TMEM135: variants seen among roughly 807,000 people sequenced by gnomAD.
TMEM135 encodes the protein transmembrane protein 135.
Under a neutral mutation model 60.3 loss-of-function variants are expected in TMEM135, and 30 were observed. The observed-to-expected ratio is 0.50, with a 90% CI of 0.37 to 0.68. TMEM135 has a LOEUF of 0.68. Among genes scored for constraint, TMEM135 ranks in the 30% least tolerant of loss-of-function variants. The probability of loss-of-function intolerance (pLI) is 0.00; values close to 1 mark genes in which losing one functional copy is unlikely to be tolerated. For missense variants in TMEM135, 468 were observed against 548.8 expected (o/e 0.85, Z 1.47); for synonymous variants, 190 against 186.7 (o/e 1.02, Z -0.14).
chr11:87,250,916 G>A (rs1941403128), intron 6 of TMEM135, among the ~76,000 whole-genome samples: 1 of 152,178 alleles, frequency 6.6e-6, no homozygotes, highest in African/African-American at 2.4e-5. Context: ...TGCTCTTGCA[G>A]TTATCCAGCA....
chr11:87,183,486 A>G (rs1421636345), intron 5 of TMEM135, among the ~76,000 whole-genome samples: 1 of 152,006 alleles, frequency 6.6e-6, no homozygotes, highest in Non-Finnish European at 1.5e-5. Flanking sequence ...ACTCAATAGT[A>G]AAGTTAAAGG....
Position 87,327,147 on chromosome 11 carries a change from G to A in TMEM135, c.*5814G>A, listed in dbSNP as rs1250780303. 5 of 453,824 alleles carry A rather than the reference G, an allele frequency of 1.1e-5. No homozygotes were observed. In the Admixed American group the frequency reaches 1.2e-4, roughly 11 times the overall value. The allele number at this position is 453,824 out of a possible 1,614,324, so 28.1% of individuals were successfully genotyped here. A position where few individuals can be genotyped will look rare whatever the true frequency, so the allele number is the denominator to read the frequency against. On this transcript the variant is annotated 3_prime_UTR_variant, in exon 15 of 15. Coordinates refer to ENST00000305494, the MANE Select transcript of TMEM135 (RefSeq NM_022918.4). ...ATACTTTTCCAACCAGCCTTTACTCGGAGGTGTTCATGTGACCCTGTTTTG... is the reference window on the plus strand; with the variant it reads ...ATACTTTTCCAACCAGCCTTTACTCAGAGGTGTTCATGTGACCCTGTTTTG...
At chr11:87,233,833 T>C (rs953811827) in intron 5 of TMEM135, among the ~76,000 whole-genome samples, 9 of 152,106 alleles carry the variant, frequency 5.9e-5, no homozygotes, top group African/African-American at 2.2e-4. Context: ...CTGAGTTTCC[T>C]GATGAAAAAA....
rs1265677528 is a variant in TMEM135 at position 87,322,706 on chromosome 11, A to T, written c.*1373A>T. Reference sequence around the variant, plus strand: ...ATACTTTAAAAATGCTTAATCCCTCATATTCAATTTCATCAAGCCTTGTAT... The same window carrying T: ...ATACTTTAAAAATGCTTAATCCCTCTTATTCAATTTCATCAAGCCTTGTAT... On this transcript the variant is annotated 3_prime_UTR_variant, in exon 15 of 15. Transcript: ENST00000305494. 1 of 454,072 alleles carries T rather than the reference A, an allele frequency of 2.2e-6. No homozygotes were observed. The highest frequency in any genetic ancestry group is 4.4e-6 in the Non-Finnish European group (1 of 226,732). The allele number at this position is 454,072 out of a possible 1,614,324, so 28.1% of individuals were successfully genotyped here.
At chr11:87,153,324 T>A (rs2135262361) in intron 4 of TMEM135, among the ~76,000 whole-genome samples, 1 of 152,328 alleles carries the variant, frequency 6.6e-6, no homozygotes, top group Middle Eastern at 3.4e-3. Flanking sequence ...CCAAGTATGA[T>A]CCTACCTACA....
intron 6 of TMEM135, among the ~76,000 whole-genome samples, chr11:87,246,535 G>A (rs1941275894): frequency 1.3e-5 from 2 of 152,142 alleles, no homozygotes; most frequent in African/African-American, 4.8e-5. Flanking sequence ...ATATTTCTTG[G>A]AGGCTTTGTT....
At chr11:87,223,239 A>G (rs969293913) in intron 5 of TMEM135, among the ~76,000 whole-genome samples, 5 of 146,378 alleles carry the variant, frequency 3.4e-5, no homozygotes, top group Non-Finnish European at 7.4e-5. Flanking sequence ...ATCTCGGCTC[A>G]CTGCAAGCTC....
At chr11:87,287,923 G>T (rs1488739521) in intron 6 of TMEM135, among the ~76,000 whole-genome samples, 5 of 152,030 alleles carry the variant, frequency 3.3e-5, no homozygotes, top group Non-Finnish European at 7.4e-5. Context: ...AATAACTTTT[G>T]CCCTGTTCAA....
intron 6 of TMEM135, among the ~76,000 whole-genome samples, chr11:87,240,034 C>T (rs1941095592): frequency 6.6e-6 from 1 of 152,040 alleles, no homozygotes; most frequent in African/African-American, 2.4e-5. Context: ...CATCCACTTA[C>T]TTCTGGTGTG....
chr11:87,066,806 G>A (rs139843784), intron 1 of TMEM135, among the ~76,000 whole-genome samples: 7,701 of 136,220 alleles, frequency 0.057, 721 homozygotes, highest in African/African-American at 0.2. Flanking sequence ...TTTTGAGACA[G>A]AGTCTCACTC....
intron 4 of TMEM135, among the ~76,000 whole-genome samples, chr11:87,093,287 C>T (rs1178926448): frequency 1.3e-5 from 2 of 152,066 alleles, no homozygotes; most frequent in Non-Finnish European, 2.9e-5. Context: ...GATCACGGCT[C>T]ACTACAGCTT....
At chr11:87,319,977 A>G (rs1369714308) in intron 14 of TMEM135, among the ~76,000 whole-genome samples, 1 of 152,158 alleles carries the variant, frequency 6.6e-6, no homozygotes, top group Non-Finnish European at 1.5e-5. Context: ...TTCGGTCTAC[A>G]ATGAAATAAT....
At chr11:87,218,727 C>T (rs1287951171) in intron 5 of TMEM135, among the ~76,000 whole-genome samples, 17 of 152,054 alleles carry the variant, frequency 1.1e-4, no homozygotes, top group African/African-American at 3.6e-4. Flanking sequence ...TTTAGAAGGC[C>T]GAGGCAGGTG....
intron 9 of TMEM135, among the ~76,000 whole-genome samples, chr11:87,309,101 T>G (rs1942598958): frequency 6.6e-6 from 1 of 152,222 alleles, no homozygotes. Flanking sequence ...AGCAGTTTTC[T>G]GTTAACATTT....
intron 5 of TMEM135, among the ~76,000 whole-genome samples, chr11:87,230,260 A>G (rs1940861896): frequency 6.6e-6 from 1 of 152,076 alleles, no homozygotes; most frequent in Non-Finnish European, 1.5e-5. Flanking sequence ...ATAATGTATT[A>G]ATGTATTTGA....
At chr11:87,159,876 A>G (rs1938820837) in intron 5 of TMEM135, among the ~76,000 whole-genome samples, 1 of 152,124 alleles carries the variant, frequency 6.6e-6, no homozygotes, top group African/African-American at 2.4e-5. Context: ...GTAGGAGTAA[A>G]CTAAAAGGTT....
At chr11:87,270,985 A>G (rs1941852006) in intron 6 of TMEM135, among the ~76,000 whole-genome samples, 1 of 152,074 alleles carries the variant, frequency 6.6e-6, no homozygotes, top group South Asian at 2.1e-4. Flanking sequence ...AAACTTTTTC[A>G]GATTCAGATA....
intron 3 of TMEM135, among the ~76,000 whole-genome samples, chr11:87,088,106 A>G (rs1857135074): frequency 6.6e-6 from 1 of 152,034 alleles, no homozygotes; most frequent in Non-Finnish European, 1.5e-5. Flanking sequence ...AATTGGGTAA[A>G]TTCCTCTCTT....
chr11:87,160,103 T>C (rs1938829153), intron 5 of TMEM135, among the ~76,000 whole-genome samples: 1 of 152,116 alleles, frequency 6.6e-6, no homozygotes, highest in Non-Finnish European at 1.5e-5. Flanking sequence ...AGAAAAAAAG[T>C]TGGTATATCC....
Sources: gnomAD v4.1 joint callset for allele counts (sites outside exome capture counted in the v4.1 genomes callset) on GRCh38, gnomAD v4.1.1 for gene constraint, MANE v1.5 for transcripts, NCBI Gene and HGNC (gene_info 2026-07-23, HGNC 2026-07-21) for gene names.